Variants in IL22RA1 observed in about 807,000 individuals in gnomAD.
The protein encoded by IL22RA1 is interleukin-22 receptor subunit alpha-1.
IL22RA1 carries 25 observed loss-of-function variants against 32.8 expected under a neutral mutation model. That is an observed-to-expected ratio of 0.76 (90% CI 0.55 to 1.06). The LOEUF (loss-of-function observed/expected upper bound fraction) is 1.06, where lower values mean the gene tolerates loss of function less well. Among genes scored for constraint, IL22RA1 ranks in the 50% least tolerant of loss-of-function variants. The probability of loss-of-function intolerance (pLI) is 0.00; values close to 1 mark genes in which losing one functional copy is unlikely to be tolerated. For missense variants in IL22RA1, 709 were observed against 727.4 expected (o/e 0.97, Z 0.29); for synonymous variants, 305 against 305.0 (o/e 1.00, Z 0.00).
At chr1:24,140,680 T>C (rs61679523) in intron 1 of IL22RA1, among the ~76,000 whole-genome samples, 1,569 of 152,264 alleles carry the variant, frequency 0.01, 25 homozygotes, top group African/African-American at 0.036. Context: ...CCTTAACTTA[T>C]AAAACCCTTC....
chr1:24,137,022 G>T (rs1320254422), intron 3 of IL22RA1, 109 bp downstream of exon 3: 4 of 1,031,264 alleles, frequency 3.9e-6, no homozygotes, highest in Non-Finnish European at 2.8e-6. Context: ...CTTGCAGAGA[G>T]CCCCTTCTGG....
At chr1:24,132,000 T>G (rs1389679905) in intron 4 of IL22RA1, among the ~76,000 whole-genome samples, 1 of 152,196 alleles carries the variant, frequency 6.6e-6, no homozygotes, top group African/African-American at 2.4e-5. Context: ...AAAATAGTTG[T>G]GATAAGGACT....
chr1:24,137,631 C>T lies in IL22RA1; in HGVS notation c.177-322G>A, dbSNP rs570798179. Among the ~76,000 whole-genome samples, 4 of 151,852 alleles carry T rather than the reference C, an allele frequency of 2.6e-5. No individual in the cohort carries two copies. The East Asian group carries it at 7.8e-4, about 29-fold the overall frequency. On this transcript the variant is annotated intron_variant, in intron 2 of 6. Coordinates refer to ENST00000270800, the MANE Select transcript of IL22RA1 (RefSeq NM_021258.4). ...TCTGGGGTTCGAGTGATTCTCCTGC[C>T]TCAGCCTCCCGAGTAGCTGGGATTA...
intron 5 of IL22RA1, among the ~76,000 whole-genome samples, chr1:24,125,362 C>T (rs1644153749): frequency 6.6e-6 from 1 of 152,168 alleles, no homozygotes; most frequent in Non-Finnish European, 1.5e-5. Context: ...AAGGAAGCCT[C>T]AGTTTCCTCA....
chr1:24,136,742 G>C (rs1401526516), intron 3 of IL22RA1, among the ~76,000 whole-genome samples: 4 of 152,196 alleles, frequency 2.6e-5, no homozygotes, highest in Admixed American at 1.3e-4. Context: ...CTGCCCGAGG[G>C]TTTTAAGCTG....
At chr1:24,126,836 T>C (rs1353427573) in intron 5 of IL22RA1, among the ~76,000 whole-genome samples, 1 of 152,046 alleles carries the variant, frequency 6.6e-6, no homozygotes, top group Admixed American at 6.6e-5. Context: ...CAAGTTTCAG[T>C]GTGCTAGAGG....
chr1:24,140,081 T>C (rs1644269989), intron 1 of IL22RA1, among the ~76,000 whole-genome samples: 2 of 152,306 alleles, frequency 1.3e-5, no homozygotes, highest in East Asian at 3.9e-4. Context: ...CAAACAACAA[T>C]GACAACAGCA....
At chr1:24,130,090 C>A (rs1385967698) in intron 4 of IL22RA1, among the ~76,000 whole-genome samples, 1 of 152,104 alleles carries the variant, frequency 6.6e-6, no homozygotes, top group Non-Finnish European at 1.5e-5. Flanking sequence ...ACTATAAATT[C>A]TAAGCAAAAT....
At chr1:24,135,152 A>G (rs185673993) in intron 3 of IL22RA1, among the ~76,000 whole-genome samples, 78 of 152,360 alleles carry the variant, frequency 5.1e-4, no homozygotes, top group African/African-American at 1.8e-3. Flanking sequence ...AGTAAATTAG[A>G]GTATCTCCCT....
intron 5 of IL22RA1, 62 bp downstream of exon 5, chr1:24,128,079 A>G: frequency 1.4e-6 from 2 of 1,462,944 alleles, no homozygotes; most frequent in Non-Finnish European, 1.8e-6. Flanking sequence ...ACAGGGAGGA[A>G]AGAGAAGAGT....
chr1:24,131,419 G>A (rs1156601468), intron 4 of IL22RA1, among the ~76,000 whole-genome samples: 1 of 152,202 alleles, frequency 6.6e-6, no homozygotes, highest in Non-Finnish European at 1.5e-5. Context: ...GATTGAAAAT[G>A]AATGTAAAAA....
intron 4 of IL22RA1, among the ~76,000 whole-genome samples, chr1:24,129,519 C>A (rs962110552): frequency 5.3e-5 from 8 of 152,242 alleles, no homozygotes; most frequent in African/African-American, 1.9e-4. Context: ...CACTCTTCTT[C>A]TAATCTCCAG....
At chr1:24,138,055 G>C (rs1006918164) in intron 2 of IL22RA1, among the ~76,000 whole-genome samples, 6 of 152,112 alleles carry the variant, frequency 3.9e-5, no homozygotes, top group Non-Finnish European at 2.9e-5. Context: ...ATGACCAGGA[G>C]TGGAAGCCAG....
At chr1:24,141,774 G>A (rs1215351234) in intron 1 of IL22RA1, among the ~76,000 whole-genome samples, 1 of 152,190 alleles carries the variant, frequency 6.6e-6, no homozygotes, top group Non-Finnish European at 1.5e-5. Flanking sequence ...GAAATCTGGG[G>A]AGACATGTGT....
chr1:24,120,827 A>G lies in IL22RA1; in HGVS notation c.1703T>C (p.Leu568Pro). Residue 568 changes from leucine to proline, a missense_variant, in exon 7 of 7, where the codon CTG becomes CCG. Coordinates refer to ENST00000270800, the MANE Select transcript of IL22RA1 (RefSeq NM_021258.4). ...CCCTCAGGACTCCCACTGCACAGTC[A>G]GGGCCAGGCCTCTGAAAAGAGAATC... ...ELDSLFRGLALTVQWES is the reference protein window; with the variant it reads ...ELDSLFRGLAPTVQWES 1.2e-6 allele frequency: 2 copies of G among 1,611,172 alleles called. No homozygotes were observed. The highest frequency in any genetic ancestry group is 8.5e-7 in the Non-Finnish European group (1 of 1,178,340).
chr1:24,126,258 A>T (rs1644160972), intron 5 of IL22RA1, among the ~76,000 whole-genome samples: 1 of 152,260 alleles, frequency 6.6e-6, no homozygotes, highest in African/African-American at 2.4e-5. Flanking sequence ...GCAAGTGGCC[A>T]GTGTTGGCTG....
chr1:24,133,237 A>C (rs1644218828), intron 4 of IL22RA1, among the ~76,000 whole-genome samples: 1 of 151,944 alleles, frequency 6.6e-6, no homozygotes, highest in Non-Finnish European at 1.5e-5. Context: ...GCGGCATGCC[A>C]GGTAATATAT....
intron 5 of IL22RA1, among the ~76,000 whole-genome samples, chr1:24,124,812 C>G (rs572071590): frequency 9.1e-4 from 138 of 152,228 alleles, no homozygotes; most frequent in African/African-American, 3.1e-3. Flanking sequence ...CATGTTACCC[C>G]CATCCCTACT....
At chr1:24,126,488 G>A (rs60655209) in intron 5 of IL22RA1, among the ~76,000 whole-genome samples, 5,121 of 152,308 alleles carry the variant, frequency 0.034, 100 homozygotes, top group Middle Eastern at 0.065. Flanking sequence ...CAGGCTCCCA[G>A]AGGCTGAGTG....
Sources: gnomAD v4.1 joint callset for allele counts (sites outside exome capture counted in the v4.1 genomes callset) on GRCh38, gnomAD v4.1.1 for gene constraint, MANE v1.5 for transcripts, NCBI Gene and HGNC (gene_info 2026-07-23, HGNC 2026-07-21) for gene names.